P2RY14: variants seen among roughly 807,000 people sequenced by gnomAD.
P2RY14 encodes purinergic receptor P2Y14, also known as P2Y purinoceptor 14.
Under a neutral mutation model 0.9 loss-of-function variants are expected in P2RY14, and 2 were observed. The ratio of observed to expected loss-of-function variants is 2.16; its 90% CI spans 0.88 to 6.79. The LOEUF (loss-of-function observed/expected upper bound fraction) is 6.79. Among genes scored for constraint, P2RY14 ranks in the 30% most tolerant of loss-of-function variants. The pLI is 0.05. For synonymous variants in P2RY14, 158 were observed against 147.2 expected (o/e 1.07, Z -0.53); for missense variants, 378 against 400.1 (o/e 0.94, Z 0.47).
At chr3:151,237,804 C>T (rs1733226631) in intron 1 of P2RY14, among the ~76,000 whole-genome samples, 1 of 152,142 alleles carries the variant, frequency 6.6e-6, no homozygotes, top group Admixed American at 6.5e-5. Context: ...TTCATTTGTA[C>T]AGTGATCTCA....
At chr3:151,219,921 C>A in intron 1 of P2RY14, among the ~76,000 whole-genome samples, 1 of 117,330 alleles carries the variant, frequency 8.5e-6, no homozygotes, top group Admixed American at 1.1e-4. Flanking sequence ...TATGGATGAT[C>A]GAATCAATTT....
Position 151,213,003 on chromosome 3 carries a change from C to T in P2RY14, c.*297G>A. The T allele has an allele frequency of 5.8e-6, 1 of 172,420 alleles. No homozygotes were observed. Among genetic ancestry groups the T allele is most frequent in the Non-Finnish European group, 1.2e-5 (1 of 82,424 alleles). 10.7% of individuals were successfully genotyped at this position (172,420 alleles called of 1,614,324 possible). Reference sequence around the variant, plus strand: ...TATTTAAATTTCTACATTAACTGACCAGACTAGTGGTTATAAACTTTAACT... The same window carrying T: ...TATTTAAATTTCTACATTAACTGACTAGACTAGTGGTTATAAACTTTAACT... On this transcript the variant is annotated 3_prime_UTR_variant, in exon 3 of 3. Coordinates refer to ENST00000309170, the MANE Select transcript of P2RY14 (RefSeq NM_014879.4).
chr3:151,271,410 G>A (rs1172912403), intron 1 of P2RY14, among the ~76,000 whole-genome samples: 1 of 152,182 alleles, frequency 6.6e-6, no homozygotes, highest in African/African-American at 2.4e-5. Flanking sequence ...TTTGGTTATA[G>A]TGTAAAATAG....
chr3:151,215,377 CTCAGTATTTTTAA>C (rs1377760998), intron 2 of P2RY14, among the ~76,000 whole-genome samples: 4 of 152,096 alleles, frequency 2.6e-5, no homozygotes, highest in Non-Finnish European at 1.5e-5. Flanking sequence ...TGTAAAATAT[CTCAGTATTTTTAA>C]TACTGATCAC....
intron 1 of P2RY14, among the ~76,000 whole-genome samples, chr3:151,266,612 T>A (rs1739881297): frequency 6.6e-6 from 1 of 152,182 alleles, no homozygotes; most frequent in African/African-American, 2.4e-5. Flanking sequence ...TCTTTCCTAT[T>A]CTAGTACCTT....
chr3:151,241,489 G>A (rs894925792), intron 1 of P2RY14, among the ~76,000 whole-genome samples: 2 of 152,096 alleles, frequency 1.3e-5, no homozygotes, highest in African/African-American at 4.8e-5. Context: ...AGGCAGTGAA[G>A]CATCTTCCCC....
chr3:151,247,772 A>G (rs137943076), intron 1 of P2RY14, among the ~76,000 whole-genome samples: 1 of 76,262 alleles, frequency 1.3e-5, no homozygotes, highest in Non-Finnish European at 3.1e-5. Context: ...AAAAAAAAAA[A>G]GCAAAAAAAA....
At chr3:151,233,182 A>G (rs976964969) in intron 1 of P2RY14, among the ~76,000 whole-genome samples, 1 of 152,112 alleles carries the variant, frequency 6.6e-6, no homozygotes, top group East Asian at 1.9e-4. Flanking sequence ...CTGGATGTTG[A>G]CGAGCCCGGC....
chr3:151,240,733 A>G lies in P2RY14; in HGVS notation c.-132-21091T>C, dbSNP rs530128302. ...TGTTATGTAAATATCCAGTCAAGGGACTGACCAGTTTTGTGCACTCTTGCA... is the reference window on the plus strand; with the variant it reads ...TGTTATGTAAATATCCAGTCAAGGGGCTGACCAGTTTTGTGCACTCTTGCA... On this transcript the variant is annotated intron_variant, in intron 1 of 2. Transcript: ENST00000309170. Among the ~76,000 whole-genome samples, 34 of 152,370 alleles carry G rather than the reference A, an allele frequency of 2.2e-4. No homozygotes were observed. The East Asian group carries it at 5.4e-3, about 24-fold the overall frequency.
intron 1 of P2RY14, among the ~76,000 whole-genome samples, chr3:151,245,528 A>G (rs1290538749): frequency 2.0e-5 from 3 of 148,538 alleles, no homozygotes; most frequent in Non-Finnish European, 4.5e-5. Flanking sequence ...CCACATGATT[A>G]TCTCAATAGA....
intron 1 of P2RY14, among the ~76,000 whole-genome samples, chr3:151,248,015 A>G (rs1224830424): frequency 7.8e-6 from 1 of 127,940 alleles, no homozygotes; most frequent in East Asian, 2.3e-4. Context: ...GTAGATTCTA[A>G]GCATGTATAT....
intron 1 of P2RY14, among the ~76,000 whole-genome samples, chr3:151,266,051 T>G (rs73023031): frequency 0.023 from 3,479 of 152,298 alleles, 126 homozygotes; most frequent in African/African-American, 0.081. Context: ...AGATTCGACT[T>G]GGCAGTGTGC....
rs1559885371 is a variant in P2RY14 at position 151,213,656 on chromosome 3, T to G, written c.661A>C (p.Ser221Arg). 6.2e-7 allele frequency: 1 copy of G among 1,614,202 alleles called. No individual in the cohort carries two copies. Among genetic ancestry groups the G allele is most frequent in the East Asian group, 2.2e-5 (1 of 44,890 alleles). The change falls in exon 3 of 3, where the codon AGT (serine) becomes CGT (arginine). Residue 221 changes from serine to arginine, a missense_variant. Transcript: ENST00000309170. ...TTTTTGACCGAAGTGGAATTCCGACTTGACTTAAGGTGGGACTTAAAGATT... is the reference window on the plus strand; with the variant it reads ...TTTTTGACCGAAGTGGAATTCCGACGTGACTTAAGGTGGGACTTAAAGATT... ...KKIFKSHLKS[S>R]RNSTSVKKKS...
intron 1 of P2RY14, among the ~76,000 whole-genome samples, chr3:151,256,533 A>G (rs1415463121): frequency 1.3e-5 from 2 of 152,198 alleles, no homozygotes; most frequent in African/African-American, 2.4e-5. Flanking sequence ...TGTCAACCAC[A>G]GAAATTAGGG....
chr3:151,248,396 G>T (rs996369464), intron 1 of P2RY14, among the ~76,000 whole-genome samples: 2 of 152,076 alleles, frequency 1.3e-5, no homozygotes, highest in Non-Finnish European at 2.9e-5. Context: ...TTCATTATTT[G>T]TAGAGTTTTA....
intron 1 of P2RY14, among the ~76,000 whole-genome samples, chr3:151,237,185 C>T (rs1195720743): frequency 6.6e-6 from 1 of 151,266 alleles, no homozygotes; most frequent in Admixed American, 6.6e-5. Context: ...ACTACAGGTG[C>T]ATGCCACCAC....
chr3:151,270,326 T>C (rs541313091), intron 1 of P2RY14, among the ~76,000 whole-genome samples: 2 of 151,798 alleles, frequency 1.3e-5, no homozygotes, highest in East Asian at 3.9e-4. Context: ...GGAAAATAAC[T>C]TGAGCAGAAT....
At position 151,236,503 on chromosome 3, in the gene P2RY14, C is replaced by A. The variant is rs190482438; in HGVS notation, c.-132-16861G>T. On this transcript the variant is annotated intron_variant, in intron 1 of 2. Transcript: ENST00000309170. ...TCTCCTTCAGACTCAGTAACCAAAA[C>A]GAAAGCCAAGACCTTGACAGTAAGC... 1.3e-4 allele frequency among the ~76,000 whole-genome samples: 20 copies of A among 152,306 alleles called. 1 individual carries two copies. The highest frequency in any genetic ancestry group is 9.8e-4 in the Admixed American group (15 of 15,298).
At chr3:151,241,502 T>C (rs1734069357) in intron 1 of P2RY14, among the ~76,000 whole-genome samples, 1 of 152,162 alleles carries the variant, frequency 6.6e-6, no homozygotes. Context: ...TCTTCCCCTA[T>C]AATGGATGGG....
Sources: gnomAD v4.1 joint callset for allele counts (sites outside exome capture counted in the v4.1 genomes callset) on GRCh38, gnomAD v4.1.1 for gene constraint, MANE v1.5 for transcripts, NCBI Gene and HGNC (gene_info 2026-07-23, HGNC 2026-07-21) for gene names.